The following FRAS1 variants were observed in gnomAD, a reference collection of about 807,000 sequenced individuals.
The protein encoded by FRAS1 is Fraser extracellular matrix complex subunit 1.
FRAS1 carries 290 observed loss-of-function variants against 435.2 expected under a neutral mutation model. That is an observed-to-expected ratio of 0.67 (90% confidence interval 0.61 to 0.73). The LOEUF (loss-of-function observed/expected upper bound fraction) is 0.73. Ranked by LOEUF, FRAS1 falls within the 30% of genes least tolerant of loss-of-function variation. FRAS1 has a pLI of 0.00. For missense variants in FRAS1, 4,860 were observed against 5,001.5 expected (o/e 0.97, Z 0.85); for synonymous variants, 1,800 against 1,851.0 (o/e 0.97, Z 0.71).
chr4:78,314,793 TTCC>T (rs1157646505), intron 15 of FRAS1, among the ~76,000 whole-genome samples: 1 of 152,160 alleles, frequency 6.6e-6, no homozygotes, highest in Non-Finnish European at 1.5e-5. Flanking sequence ...GTCCTACTGC[TTCC>T]TAAGACAATG....
At chr4:78,280,584 T>TTTG (rs2110177907) in intron 10 of FRAS1, among the ~76,000 whole-genome samples, 1 of 151,748 alleles carries the variant, frequency 6.6e-6, no homozygotes, top group East Asian at 1.9e-4. Flanking sequence ...TCCATACTTT[T>TTTG]TTTTTTTTTT....
chr4:78,134,684 G>A (rs111790196), intron 2 of FRAS1, among the ~76,000 whole-genome samples: 50 of 152,238 alleles, frequency 3.3e-4, no homozygotes, highest in African/African-American at 1.1e-3. Context: ...GGATCTGTGT[G>A]TAATTTATCA....
intron 2 of FRAS1, among the ~76,000 whole-genome samples, chr4:78,153,484 G>T (rs943753113): frequency 6.6e-6 from 1 of 152,106 alleles, no homozygotes; most frequent in Non-Finnish European, 1.5e-5. Flanking sequence ...ATTCAGCATT[G>T]TTTGTCGAAG....
At chr4:78,418,891 G>T in intron 32 of FRAS1, 58 bp from the exon 33 acceptor site, 3 of 1,020,018 alleles carry the variant, frequency 2.9e-6, no homozygotes, top group African/African-American at 1.7e-5. Flanking sequence ...GTCTGTTTTT[G>T]CCTCTGGCTT....
intron 47 of FRAS1, among the ~76,000 whole-genome samples, chr4:78,459,386 T>C (rs1447676132): frequency 6.6e-6 from 1 of 152,186 alleles, no homozygotes; most frequent in East Asian, 1.9e-4. Context: ...GTACACATAA[T>C]TTGGTACACA....
intron 58 of FRAS1, among the ~76,000 whole-genome samples, chr4:78,486,915 C>T (rs2109863468): frequency 6.6e-6 from 1 of 150,822 alleles, no homozygotes; most frequent in East Asian, 1.9e-4. Flanking sequence ...TCTTTTATAC[C>T]TCAAGAGGAA....
At chr4:78,509,128 C>T (rs1720949244) in intron 63 of FRAS1, 122 bp downstream of exon 63, 2 of 1,069,060 alleles carry the variant, frequency 1.9e-6, no homozygotes. Context: ...AACAAATAAG[C>T]AGGTGCACAG....
At chr4:78,346,116 G>T (rs991510356) in intron 20 of FRAS1, among the ~76,000 whole-genome samples, 1 of 152,198 alleles carries the variant, frequency 6.6e-6, no homozygotes, top group Non-Finnish European at 1.5e-5. Context: ...CTTCAGTACT[G>T]AAGGTAGCAA....
chr4:78,113,580 G>T (rs1742893314), intron 2 of FRAS1, among the ~76,000 whole-genome samples: 1 of 152,202 alleles, frequency 6.6e-6, no homozygotes, highest in Non-Finnish European at 1.5e-5. Context: ...GATGGCCAGT[G>T]ATGATGAGCA....
rs927413408 is a variant in FRAS1, at chr4:78,130,204, C to A, written c.108+64188C>A. Among the ~76,000 whole-genome samples the A allele has an allele frequency of 2.0e-5, 3 of 152,092 alleles. No homozygotes were observed. The East Asian group carries it at 5.8e-4, about 29-fold the overall frequency. On this transcript the variant is annotated intron_variant, in intron 2 of 73. Coordinates refer to ENST00000512123, the MANE Select transcript of FRAS1 (RefSeq NM_025074.7). ...TTGTTTCTGTTTCTGTCATACCTTC[C>A]GGTTTTAAGCTCCTTATTAACGGTG... is the stretch of plus-strand genomic sequence containing the variant.
intron 47 of FRAS1, among the ~76,000 whole-genome samples, chr4:78,462,103 C>T (rs550806157): frequency 2.1e-4 from 29 of 137,228 alleles, no homozygotes; most frequent in Non-Finnish European, 4.0e-4. Context: ...AGCAAAGGCT[C>T]ATGCTTGTAA....
chr4:78,237,905 T>G lies in FRAS1; in HGVS notation c.216+288T>G, dbSNP rs10857007. On this transcript the variant is annotated intron_variant, in intron 3 of 73. Coordinates refer to ENST00000512123, the MANE Select transcript of FRAS1 (RefSeq NM_025074.7). ...GTTATCCCATTTAATATTATGTGGGTTAGGTATCTTTATCCCCACTTTATA... is the reference window on the plus strand; with the variant it reads ...GTTATCCCATTTAATATTATGTGGGGTAGGTATCTTTATCCCCACTTTATA... Among the ~76,000 whole-genome samples the G allele has an allele frequency of 0.86, 130,614 of 152,104 alleles. 57,665 individuals carry two copies. The highest frequency in any genetic ancestry group is 0.96 in the Non-Finnish European group (65,538 of 68,010).
chr4:78,428,946 A>C, intron 35 of FRAS1, 149 bp from the exon 36 acceptor site: 1 of 607,036 alleles, frequency 1.6e-6, no homozygotes, highest in South Asian at 2.7e-5. Context: ...CATCTCTTCA[A>C]AGGTTAAAGT....
rs376611954 is a variant in FRAS1 at position 78,508,894 on chromosome 4, A to G, written c.9668A>G (p.Gln3223Arg). The change falls in exon 63 of 74, where the codon CAG (glutamine) becomes CGG (arginine). Residue 3223 changes from glutamine (Q) to arginine (R), a missense_variant. Transcript: ENST00000512123. ...CGCTGCAGTGAGGCCGGCATCAACC[A>G]GACATCTGTGCAGTTCAGCTGGGAA... ...KERCSEAGINQTSVQFSWEVA... is the reference protein window; with the variant it reads ...KERCSEAGINRTSVQFSWEVA... 6.2e-7 allele frequency: 1 copy of G among 1,613,958 alleles called. No individual in the cohort carries two copies. The highest frequency in any genetic ancestry group is 8.5e-7 in the Non-Finnish European group (1 of 1,179,878).
intron 14 of FRAS1, among the ~76,000 whole-genome samples, chr4:78,290,511 C>T (rs1727839916): frequency 6.6e-6 from 1 of 150,960 alleles, no homozygotes; most frequent in Admixed American, 6.6e-5. Flanking sequence ...GGCTGGAGTA[C>T]AGTGGCACAA....
At chr4:78,247,676 G>T (rs1277799458) in intron 4 of FRAS1, among the ~76,000 whole-genome samples, 1 of 152,088 alleles carries the variant, frequency 6.6e-6, no homozygotes, top group Non-Finnish European at 1.5e-5. Flanking sequence ...TTTGACTCTT[G>T]TAGCATTTCC....
intron 1 of FRAS1, 134 bp downstream of exon 1, chr4:78,058,219 G>A (rs970530862): frequency 5.7e-6 from 4 of 707,368 alleles, no homozygotes; most frequent in South Asian, 2.3e-5. Flanking sequence ...TCTGGGAAGG[G>A]TGAGGTGGAA....
chr4:78,483,520 C>T (rs947431581), intron 58 of FRAS1, among the ~76,000 whole-genome samples: 2 of 152,008 alleles, frequency 1.3e-5, no homozygotes, highest in African/African-American at 4.8e-5. Context: ...CATGATTAAA[C>T]TCCTAGCAGC....
Position 78,161,742 on chromosome 4 carries a change from C to CAAA in FRAS1, c.109-75740_109-75738dup, listed in dbSNP as rs71214399. 4.2e-3 allele frequency among the ~76,000 whole-genome samples: 105 copies of CAAA among 24,882 alleles called. 6 individuals carry two copies. Among genetic ancestry groups the CAAA allele is most frequent in the South Asian group, 0.021 (7 of 340 alleles). 16.3% of individuals were successfully genotyped at this position (24,882 alleles called of 152,430 possible). ...GGGCAACAAGAGCAAAACTCTGTCT[C>CAAA]AAAAAAAAAAAAAAAAAAAAAAAAA... On this transcript the variant is annotated intron_variant, in intron 2 of 73. Coordinates refer to ENST00000512123, the MANE Select transcript of FRAS1 (RefSeq NM_025074.7).
Sources: allele counts gnomAD v4.1 joint callset (sites outside exome capture counted in the v4.1 genomes callset), GRCh38; gene constraint gnomAD v4.1.1; transcripts MANE v1.5; gene names NCBI Gene and HGNC (gene_info 2026-07-23, HGNC 2026-07-21).